The following SLC17A1 variants were observed in gnomAD, a reference collection of about 807,000 sequenced individuals.
SLC17A1 encodes sodium-dependent phosphate transport protein 1.
In SLC17A1, 51 loss-of-function variants were observed where a neutral mutation model predicts 53.5. The ratio of observed to expected loss-of-function variants is 0.95; its 90% CI spans 0.76 to 1.20. The LOEUF is 1.20. Ranked by LOEUF, SLC17A1 falls within the 50% of genes most tolerant of loss-of-function variation. SLC17A1 has a pLI of 0.00. For synonymous variants in SLC17A1, 179 were observed against 198.8 expected (o/e 0.90, Z 0.84); for missense variants, 538 against 568.2 (o/e 0.95, Z 0.54).
chr6:25,814,900 C>A (rs1029084984), intron 6 of SLC17A1, among the ~76,000 whole-genome samples: 1 of 151,650 alleles, frequency 6.6e-6, no homozygotes, highest in African/African-American at 2.4e-5. Context: ...GCAGGAGAAT[C>A]GCTTAAATCC....
intron 12 of SLC17A1, among the ~76,000 whole-genome samples, chr6:25,790,163 C>T (rs1763470952): frequency 6.6e-6 from 1 of 152,060 alleles, no homozygotes; most frequent in Admixed American, 6.6e-5. Flanking sequence ...CTTAAGTCAT[C>T]TTTGTTCAAC....
At chr6:25,735,608 T>C in the SLC17A1 span, among the ~76,000 whole-genome samples, 1 of 152,200 alleles carries the variant, frequency 6.6e-6, no homozygotes, top group South Asian at 2.1e-4. Flanking sequence ...AGAAATACCT[T>C]TTATTCCATG....
the SLC17A1 span, among the ~76,000 whole-genome samples, chr6:25,760,689 C>G: frequency 6.6e-6 from 1 of 152,142 alleles, no homozygotes; most frequent in East Asian, 1.9e-4. Flanking sequence ...TTATTCTGTA[C>G]AATTTACATA....
chr6:25,727,410 T>TG, the SLC17A1 span: 77 of 945,896 alleles, frequency 8.1e-5, no homozygotes, highest in Admixed American at 2.4e-3. Flanking sequence ...TTTTTTTTTT[T>TG]TTTGAGGCGG....
At chr6:25,817,940 A>G (rs563464659) in intron 6 of SLC17A1, among the ~76,000 whole-genome samples, 1 of 152,310 alleles carries the variant, frequency 6.6e-6, no homozygotes, top group Admixed American at 6.5e-5. Context: ...TAACACAGTC[A>G]TTAACAGCAA....
intron 10 of SLC17A1, among the ~76,000 whole-genome samples, chr6:25,810,242 G>T (rs1485736315): frequency 6.6e-6 from 1 of 151,966 alleles, no homozygotes; most frequent in Non-Finnish European, 1.5e-5. Context: ...CACACGCAAT[G>T]AAAGCAAAGA....
the SLC17A1 span, among the ~76,000 whole-genome samples, chr6:25,762,621 T>C: frequency 2.6e-5 from 4 of 152,216 alleles, no homozygotes; most frequent in Non-Finnish European, 5.9e-5. Context: ...CATAAGATAA[T>C]GACTTCAAAA....
chr6:25,818,741 A>C (rs891395001), intron 6 of SLC17A1, among the ~76,000 whole-genome samples: 2 of 152,242 alleles, frequency 1.3e-5, no homozygotes, highest in African/African-American at 4.8e-5. Context: ...TTGAATGTTA[A>C]GTATAAAAAG....
chr6:25,815,170 A>G (rs932704084), intron 6 of SLC17A1, among the ~76,000 whole-genome samples: 1 of 150,846 alleles, frequency 6.6e-6, no homozygotes, highest in African/African-American at 2.4e-5. Context: ...AGAGAGAAAG[A>G]GAAAAAAAAG....
At chr6:25,814,983 TCACACAAACACACACA>T (rs1302626430) in intron 6 of SLC17A1, among the ~76,000 whole-genome samples, 12,560 of 140,494 alleles carry the variant, frequency 0.089, 948 homozygotes, top group African/African-American at 0.21. Context: ...CAAGACTCTG[TCACACAAACACACACA>T]CACACACACA....
At chr6:25,726,803 C>A in the SLC17A1 span, 1 of 1,363,182 alleles carries the variant, frequency 7.3e-7, no homozygotes, top group Non-Finnish European at 1.0e-6. Context: ...AGACTTGGAG[C>A]TGAGGTCATT....
intron 10 of SLC17A1, among the ~76,000 whole-genome samples, chr6:25,803,289 G>A (rs1163405340): frequency 6.6e-6 from 1 of 151,892 alleles, no homozygotes; most frequent in African/African-American, 2.4e-5. Context: ...ATAAATACAT[G>A]TCCTCATTTC....
the SLC17A1 span, chr6:25,726,969 G>C: frequency 6.2e-7 from 1 of 1,614,126 alleles, no homozygotes; most frequent in Non-Finnish European, 8.5e-7. Flanking sequence ...GAAAGCTGTC[G>C]TTAAGACCCA....
the SLC17A1 span, among the ~76,000 whole-genome samples, chr6:25,775,520 C>T: frequency 1.3e-5 from 2 of 152,018 alleles, no homozygotes; most frequent in East Asian, 1.9e-4. Context: ...ACTAAAGCTT[C>T]GACCTCCCAG....
chr6:25,745,674 A>C, the SLC17A1 span, among the ~76,000 whole-genome samples: 1 of 152,198 alleles, frequency 6.6e-6, no homozygotes, highest in African/African-American at 2.4e-5. Flanking sequence ...CTTAGGCTCC[A>C]GGTCTTTCTA....
At chr6:25,726,755 G>T in the SLC17A1 span, 1 of 1,122,440 alleles carries the variant, frequency 8.9e-7, no homozygotes, top group Non-Finnish European at 1.3e-6. Flanking sequence ...TATAAATACC[G>T]CATCTTTCAT....
chr6:25,744,027 G>C, the SLC17A1 span, among the ~76,000 whole-genome samples: 1 of 152,158 alleles, frequency 6.6e-6, no homozygotes, highest in Non-Finnish European at 1.5e-5. Flanking sequence ...TCCATTCAGG[G>C]AGATAGAAGA....
the SLC17A1 span, among the ~76,000 whole-genome samples, chr6:25,757,332 C>T: frequency 6.6e-6 from 1 of 152,116 alleles, no homozygotes; most frequent in Non-Finnish European, 1.5e-5. Context: ...ATTTCACCAG[C>T]ACCTACTGCT....
chr6:25,726,832 A>AT, the SLC17A1 span: 1 of 1,501,278 alleles, frequency 6.7e-7, no homozygotes, highest in Non-Finnish European at 9.0e-7. Flanking sequence ...TTTAATACTG[A>AT]AGAGCTGTTG....
Sources: gnomAD v4.1 joint callset for allele counts (sites outside exome capture counted in the v4.1 genomes callset) on GRCh38, gnomAD v4.1.1 for gene constraint, MANE v1.5 for transcripts, NCBI Gene and HGNC (gene_info 2026-07-23, HGNC 2026-07-21) for gene names.